The following DACH1 variants were observed in gnomAD, a reference collection of about 807,000 sequenced individuals.
The protein encoded by DACH1 is dachshund family transcription factor 1.
In DACH1, 12 loss-of-function variants were observed where a neutral mutation model predicts 54.2. The observed-to-expected ratio is 0.22, with a 90% CI of 0.14 to 0.36. The LOEUF is 0.36. DACH1 is among the 10% of genes least tolerant of loss of function. The pLI is 1.00. For missense variants in DACH1, 805 were observed against 929.8 expected, an observed-to-expected ratio of 0.87 and a Z score of 1.75; for synonymous variants, 386 against 366.2, an observed-to-expected ratio of 1.05 and a Z score of -0.62.
intron 1 of DACH1, among the ~76,000 whole-genome samples, chr13:71,737,768 G>C (rs190724591): frequency 6.6e-6 from 1 of 152,258 alleles, no homozygotes; most frequent in East Asian, 1.9e-4. Flanking sequence ...TTATAAACTA[G>C]AGGCAATAGG....
At chr13:71,624,593 T>C (rs776128891) in intron 3 of DACH1, among the ~76,000 whole-genome samples, 1 of 151,936 alleles carries the variant, frequency 6.6e-6, no homozygotes, top group Non-Finnish European at 1.5e-5. Context: ...AAAAACATTC[T>C]AGTTACCAAA....
intron 1 of DACH1, among the ~76,000 whole-genome samples, chr13:71,812,619 A>T (rs1594250932): frequency 7.0e-6 from 1 of 142,118 alleles, no homozygotes; most frequent in Non-Finnish European, 1.5e-5. Context: ...ACAGTTCCCT[A>T]AAGTCTATTT....
intron 1 of DACH1, among the ~76,000 whole-genome samples, chr13:71,826,452 C>A (rs1888384287): frequency 6.6e-6 from 1 of 151,914 alleles, no homozygotes; most frequent in Non-Finnish European, 1.5e-5. Flanking sequence ...TCTCACGTGG[C>A]CAGCTGGTAC....
intron 3 of DACH1, among the ~76,000 whole-genome samples, chr13:71,583,116 T>C (rs893988720): frequency 7.9e-5 from 12 of 152,208 alleles, no homozygotes; most frequent in African/African-American, 2.9e-4. Context: ...TTTTTATTCT[T>C]TTTATTTTAA....
intron 1 of DACH1, among the ~76,000 whole-genome samples, chr13:71,738,325 C>G (rs533396253): frequency 1.3e-5 from 2 of 152,114 alleles, no homozygotes; most frequent in East Asian, 3.9e-4. Flanking sequence ...ATACTTTTTC[C>G]AATACTCGAT....
chr13:71,751,537 T>C (rs1395115564), intron 1 of DACH1, among the ~76,000 whole-genome samples: 2 of 152,208 alleles, frequency 1.3e-5, no homozygotes, highest in East Asian at 3.8e-4. Flanking sequence ...AGAAATTATT[T>C]TATAATTACA....
intron 1 of DACH1, among the ~76,000 whole-genome samples, chr13:71,768,530 C>T (rs1885728978): frequency 6.6e-6 from 1 of 151,870 alleles, no homozygotes; most frequent in Admixed American, 6.6e-5. Flanking sequence ...TTAATATTTG[C>T]TCTCAAATAA....
rs369933133 is a variant in DACH1 at position 71,778,092 on chromosome 13, CAATAAATAAATAAATAAATA to C, written c.848+87810_848+87829del. 5.9e-3 allele frequency among the ~76,000 whole-genome samples: 818 copies of C among 138,946 alleles called. 4 individuals are homozygous for C. Among genetic ancestry groups the C allele is most frequent in the African/African-American group, 7.8e-3 (297 of 37,956 alleles). The allele number at this position is 138,946 out of a possible 152,430, so 91.2% of individuals were successfully genotyped here. The stretch of plus-strand genomic sequence containing the variant: ...AGGCGACAGAGTGAGACCCTGTCTA[CAATAAATAAATAAATAAATA>C]AATAAATAAATAAATAAATAAATAA... On this transcript the variant is annotated intron_variant, in intron 1 of 10. Transcript: ENST00000613252.
At chr13:71,460,324 T>C (rs970157204) in intron 10 of DACH1, among the ~76,000 whole-genome samples, 3 of 152,084 alleles carry the variant, frequency 2.0e-5, no homozygotes, top group African/African-American at 7.2e-5. Context: ...CATAACATTT[T>C]CACTGTGTAG....
intron 10 of DACH1, among the ~76,000 whole-genome samples, chr13:71,450,112 A>C (rs1370694115): frequency 6.6e-6 from 1 of 151,988 alleles, no homozygotes; most frequent in Admixed American, 6.6e-5. Context: ...ACACAGTTTG[A>C]TAAGGTACAG....
chr13:71,523,510 G>C (rs189708079), intron 6 of DACH1, among the ~76,000 whole-genome samples: 1 of 152,206 alleles, frequency 6.6e-6, no homozygotes, highest in African/African-American at 2.4e-5. Flanking sequence ...TGTAGCCAAA[G>C]TGTTTATGTC....
intron 1 of DACH1, among the ~76,000 whole-genome samples, chr13:71,753,516 T>G (rs1885010832): frequency 6.6e-6 from 1 of 152,140 alleles, no homozygotes; most frequent in Admixed American, 6.6e-5. Context: ...CCTTTTTCAT[T>G]TATCGCTTAC....
rs575922326 is a variant in DACH1, at chr13:71,483,663, T to G, written c.1723-4347A>C. On this transcript the variant is annotated intron_variant, in intron 7 of 10. Coordinates refer to ENST00000613252, the MANE Select transcript of DACH1 (RefSeq NM_080759.6). ...AATTATTGGCCATGATATTGAAATG[T>G]AAAGAACTGAAGATAGATAATCAGA... Among the ~76,000 whole-genome samples, 7 of 151,658 alleles carry G rather than the reference T, an allele frequency of 4.6e-5. No homozygotes were observed. The South Asian group carries it at 1.5e-3, about 32-fold the overall frequency.
chr13:71,559,400 A>G (rs1263488355), intron 5 of DACH1, among the ~76,000 whole-genome samples: 1 of 152,142 alleles, frequency 6.6e-6, no homozygotes, highest in Non-Finnish European at 1.5e-5. Context: ...CTCTTTGTGG[A>G]TATCTCCATT....
chr13:71,665,585 A>G (rs1415962997), intron 2 of DACH1, among the ~76,000 whole-genome samples: 2 of 152,060 alleles, frequency 1.3e-5, no homozygotes, highest in African/African-American at 4.8e-5. Context: ...TTTAACTTAC[A>G]TGTCCAATAC....
chr13:71,828,364 G>C lies in DACH1; in HGVS notation c.848+37558C>G, dbSNP rs77363267. On this transcript the variant is annotated intron_variant, in intron 1 of 10. Transcript: ENST00000613252. ...TCTGCTTCTCTCTCCACAGCTTACT[G>C]TTCCTGACCTTAAGTGAGTTCTTTA... is the stretch of plus-strand genomic sequence containing the variant. 9.7e-3 allele frequency among the ~76,000 whole-genome samples: 1,479 copies of C among 152,052 alleles called. 20 individuals carry two copies. Among genetic ancestry groups the C allele is most frequent in the African/African-American group, 0.034 (1,424 of 41,502 alleles).
chr13:71,548,353 A>T (rs1015079282), intron 6 of DACH1, among the ~76,000 whole-genome samples: 1 of 152,180 alleles, frequency 6.6e-6, no homozygotes, highest in Non-Finnish European at 1.5e-5. Flanking sequence ...TAAAAACATC[A>T]TCATACAGAG....
intron 1 of DACH1, among the ~76,000 whole-genome samples, chr13:71,859,213 AC>A (rs767201490): frequency 6.6e-6 from 1 of 151,740 alleles, no homozygotes; most frequent in Non-Finnish European, 1.5e-5. Context: ...AAAGGACCAC[AC>A]CTTTAACACA....
At chr13:71,462,751 T>C (rs1412396539) in intron 10 of DACH1, among the ~76,000 whole-genome samples, 1 of 151,874 alleles carries the variant, frequency 6.6e-6, no homozygotes, top group African/African-American at 2.4e-5. Context: ...GTTTTACAGA[T>C]TAGGAACCCA....
Sources: gnomAD v4.1 joint callset for allele counts (sites outside exome capture counted in the v4.1 genomes callset) on GRCh38, gnomAD v4.1.1 for gene constraint, MANE v1.5 for transcripts, NCBI Gene and HGNC (gene_info 2026-07-23, HGNC 2026-07-21) for gene names.